Variants in SH3PXD2A observed in about 807,000 individuals in gnomAD.
The protein encoded by SH3PXD2A is SH3 and PX domains 2A.
A neutral mutation model predicts 115.2 loss-of-function variants in SH3PXD2A; 32 were observed. The observed-to-expected ratio is 0.28, with a 90% CI of 0.21 to 0.37. The LOEUF (loss-of-function observed/expected upper bound fraction) is 0.37. SH3PXD2A is among the 10% of genes least tolerant of loss of function. The pLI is 1.00. For missense variants in SH3PXD2A, 1,328 were observed against 1,498.7 expected (o/e 0.89, Z 1.88); for synonymous variants, 610 against 629.1 (o/e 0.97, Z 0.45).
chr10:103,607,063 C>T lies in SH3PXD2A; in HGVS notation c.1309-1146G>A, dbSNP rs1439073776. Among the ~76,000 whole-genome samples the T allele has an allele frequency of 5.2e-4, 79 of 151,962 alleles. 1 individual carries two copies. Among genetic ancestry groups the T allele is most frequent in the African/African-American group, 1.8e-3 (74 of 41,438 alleles). On this transcript the variant is annotated intron_variant, in intron 13 of 14. Transcript: ENST00000369774. ...CTAGGAAGTGAGGAGCGCCTCTTCC[C>T]GGCCGCCATCCCATCTAGGAAGTGA... is the stretch of plus-strand genomic sequence containing the variant.
At chr10:103,718,758 A>T (rs1272259992) in intron 5 of SH3PXD2A, among the ~76,000 whole-genome samples, 1 of 85,842 alleles carries the variant, frequency 1.2e-5, no homozygotes, top group Non-Finnish European at 2.4e-5. Flanking sequence ...CCCCCCAATC[A>T]GGACACACAC....
chr10:103,627,462 A>C lies in SH3PXD2A; in HGVS notation c.605-260T>G, dbSNP rs2036715314. Among the ~76,000 whole-genome samples, 1 of 152,258 alleles carries C rather than the reference A, an allele frequency of 6.6e-6. No homozygotes were observed. Among genetic ancestry groups the C allele is most frequent in the Non-Finnish European group, 1.5e-5 (1 of 68,050 alleles). On this transcript the variant is annotated intron_variant, in intron 8 of 14. Coordinates refer to ENST00000369774, the MANE Select transcript of SH3PXD2A (RefSeq NM_001394015.1). The surrounding 1 kb of genome is among the most constrained non-coding windows in gnomAD (Gnocchi z 4.4). ...ACTAACAAATGTCTGATGGAAAATG[A>C]AATAGACATAGTGATATGTCCAGTG... is the stretch of plus-strand genomic sequence containing the variant.
intron 1 of SH3PXD2A, among the ~76,000 whole-genome samples, chr10:103,850,017 C>CA (rs1380870118): frequency 6.6e-6 from 1 of 152,192 alleles, no homozygotes. Context: ...GTCAGTGACT[C>CA]AGGCTGAGGC....
At chr10:103,661,790 T>A (rs969783576) in intron 7 of SH3PXD2A, 3 of 983,756 alleles carry the variant, frequency 3.0e-6, no homozygotes, top group Non-Finnish European at 3.6e-6. Context: ...TAGAAACACA[T>A]GAGACCCGTC....
chr10:103,613,307 G>A (rs915135319), intron 11 of SH3PXD2A, 117 bp from the exon 12 acceptor site: 1 of 759,820 alleles, frequency 1.3e-6, no homozygotes, highest in African/African-American at 1.8e-5. Flanking sequence ...TGTTCTGCAA[G>A]GCTTGGCAAT....
chr10:103,828,151 G>T (rs949393900), intron 1 of SH3PXD2A, among the ~76,000 whole-genome samples: 2 of 152,202 alleles, frequency 1.3e-5, no homozygotes, highest in Non-Finnish European at 2.9e-5. Flanking sequence ...GGGTAATGGG[G>T]ATGATGGGTA....
At chr10:103,678,339 G>A in intron 6 of SH3PXD2A, 1 of 156,984 alleles carries the variant, frequency 6.4e-6, no homozygotes, top group Non-Finnish European at 1.4e-5. Flanking sequence ...CCACTGCTTG[G>A]GAAATCCCCA....
At chr10:103,693,478 C>T (rs1457747440) in intron 5 of SH3PXD2A, 1 of 151,642 alleles carries the variant, frequency 6.6e-6, no homozygotes. Context: ...GAGCGGTTCA[C>T]CTCCCAATTC....
intron 1 of SH3PXD2A, among the ~76,000 whole-genome samples, chr10:103,841,591 G>A (rs2039598596): frequency 6.6e-6 from 1 of 152,136 alleles, no homozygotes; most frequent in South Asian, 2.1e-4. Context: ...TGCTGTGCAG[G>A]GTGGGGAGGG....
intron 8 of SH3PXD2A, among the ~76,000 whole-genome samples, chr10:103,654,909 T>C (rs1000324393): frequency 2.6e-5 from 4 of 152,202 alleles, no homozygotes; most frequent in Admixed American, 6.5e-5. Context: ...TAGGCTATCC[T>C]GCAGTCTCCT....
chr10:103,772,512 G>T (rs1022766895), intron 2 of SH3PXD2A, among the ~76,000 whole-genome samples: 1 of 152,240 alleles, frequency 6.6e-6, no homozygotes, highest in Non-Finnish European at 1.5e-5. Flanking sequence ...CAGAGTCCTG[G>T]CTGGAGTGAG....
At position 103,666,344 on chromosome 10, in the gene SH3PXD2A, C is replaced by T. The variant is rs1345577461; in HGVS notation, c.472+2264G>A. Among the ~76,000 whole-genome samples, 1 of 152,184 alleles carries T rather than the reference C, an allele frequency of 6.6e-6. No homozygotes were observed. Among genetic ancestry groups the T allele is most frequent in the Non-Finnish European group, 1.5e-5 (1 of 68,036 alleles). On this transcript the variant is annotated intron_variant, in intron 7 of 14. Transcript: ENST00000369774. The surrounding 1 kb of genome is among the most constrained non-coding windows in gnomAD (Gnocchi z 4.5). ...GCTGCCCCCTGCTGGAATGCTTTCC[C>T]TTCTCTCTACCAATCCCAGTTTCCC...
intron 2 of SH3PXD2A, among the ~76,000 whole-genome samples, chr10:103,772,728 G>A (rs1589449165): frequency 6.6e-6 from 1 of 152,190 alleles, no homozygotes; most frequent in South Asian, 2.1e-4. Context: ...AGGGGAGGAC[G>A]GGCGAGCCCA....
At chr10:103,742,783 T>C (rs2038457528) in intron 3 of SH3PXD2A, among the ~76,000 whole-genome samples, 1 of 152,094 alleles carries the variant, frequency 6.6e-6, no homozygotes, top group African/African-American at 2.4e-5. Flanking sequence ...AGTCTCAGCC[T>C]GAGAGGAGAC....
chr10:103,782,422 T>C (rs2038939136), intron 2 of SH3PXD2A, among the ~76,000 whole-genome samples: 3 of 152,224 alleles, frequency 2.0e-5, no homozygotes, highest in African/African-American at 7.2e-5. Flanking sequence ...TAGGCAAAGA[T>C]GGGCACACAA....
intron 1 of SH3PXD2A, among the ~76,000 whole-genome samples, chr10:103,852,151 C>T (rs1842902592): frequency 6.6e-6 from 1 of 152,220 alleles, no homozygotes; most frequent in African/African-American, 2.4e-5. Flanking sequence ...TGCCAGGGAG[C>T]CTGACCTTAG....
At chr10:103,617,667 G>T (rs1172443537) in intron 10 of SH3PXD2A, among the ~76,000 whole-genome samples, 1 of 152,204 alleles carries the variant, frequency 6.6e-6, no homozygotes, top group African/African-American at 2.4e-5. Flanking sequence ...CCGAGGGCAG[G>T]ATTAGGAGAA....
At chr10:103,725,903 C>T (rs114521130) in intron 4 of SH3PXD2A, among the ~76,000 whole-genome samples, 2,111 of 152,116 alleles carry the variant, frequency 0.014, 33 homozygotes, top group African/African-American at 0.041. Context: ...AAAAAGAAGG[C>T]AGTCAGAGTT....
chr10:103,820,143 C>T (rs1589469608), intron 1 of SH3PXD2A, among the ~76,000 whole-genome samples: 2 of 152,334 alleles, frequency 1.3e-5, no homozygotes, highest in East Asian at 3.9e-4. Context: ...GCTCAATTCG[C>T]TCCCAGGCAC....
Sources: allele counts gnomAD v4.1 joint callset (sites outside exome capture counted in the v4.1 genomes callset), GRCh38; gene constraint gnomAD v4.1.1; non-coding constraint Gnocchi (gnomAD v3.1); transcripts MANE v1.5; gene names NCBI Gene and HGNC (gene_info 2026-07-23, HGNC 2026-07-21).